Variants in PDZRN3 observed in about 807,000 individuals in gnomAD.
PDZRN3 encodes E3 ubiquitin-protein ligase PDZRN3.
PDZRN3 carries 38 observed loss-of-function variants against 85.7 expected under a neutral mutation model. The ratio of observed to expected loss-of-function variants is 0.44; its 90% CI spans 0.34 to 0.58. PDZRN3 has a LOEUF of 0.58. Ranked by LOEUF, PDZRN3 falls within the 20% of genes least tolerant of loss-of-function variation. The pLI, the probability that PDZRN3 is intolerant of heterozygous loss-of-function variation, is 0.01. For missense variants in PDZRN3, 1,629 were observed against 1,506.4 expected, an observed-to-expected ratio of 1.08 and a Z score of -1.35; for synonymous variants, 759 against 638.0, an observed-to-expected ratio of 1.19 and a Z score of -2.86.
intron 3 of PDZRN3, among the ~76,000 whole-genome samples, chr3:73,498,666 C>T (rs1021422967): frequency 6.6e-6 from 1 of 151,730 alleles, no homozygotes; most frequent in African/African-American, 2.4e-5. Context: ...CTCACTGCAA[C>T]CTACGCCTCC....
chr3:73,475,232 A>T (rs1465408531), intron 3 of PDZRN3, among the ~76,000 whole-genome samples: 1 of 152,176 alleles, frequency 6.6e-6, no homozygotes, highest in Non-Finnish European at 1.5e-5. Flanking sequence ...ACCCTGCAAA[A>T]ACCCTCCACT....
intron 3 of PDZRN3, among the ~76,000 whole-genome samples, chr3:73,554,353 GACACACACACACACAC>G (rs35130068): frequency 6.8e-6 from 1 of 147,564 alleles, no homozygotes; most frequent in African/African-American, 2.5e-5. Context: ...GTTGAGAGAA[GACACACACACACACAC>G]ACACACACAC....
chr3:73,483,223 C>A (rs1483008474), intron 3 of PDZRN3, among the ~76,000 whole-genome samples: 1 of 152,194 alleles, frequency 6.6e-6, no homozygotes, highest in Non-Finnish European at 1.5e-5. Context: ...GAAGAGGCTT[C>A]ATTTTGAAGC....
intron 3 of PDZRN3, among the ~76,000 whole-genome samples, chr3:73,535,589 C>G (rs1288095549): frequency 6.6e-6 from 1 of 152,196 alleles, no homozygotes; most frequent in Admixed American, 6.5e-5. Context: ...ATCCACAGAG[C>G]TGCCTTTTTG....
At chr3:73,426,029 G>A (rs1702308275) in intron 3 of PDZRN3, among the ~76,000 whole-genome samples, 1 of 152,002 alleles carries the variant, frequency 6.6e-6, no homozygotes, top group African/African-American at 2.4e-5. Flanking sequence ...TCACATTATT[G>A]GAAATTAATC....
chr3:73,438,008 C>T (rs759757412), intron 3 of PDZRN3, among the ~76,000 whole-genome samples: 11 of 152,200 alleles, frequency 7.2e-5, no homozygotes, highest in African/African-American at 1.2e-4. Flanking sequence ...CACAAAGGCA[C>T]ACATTGTTTG....
chr3:73,618,508 A>G (rs1233512560), intron 1 of PDZRN3, among the ~76,000 whole-genome samples: 2 of 152,230 alleles, frequency 1.3e-5, no homozygotes, highest in African/African-American at 4.8e-5. Flanking sequence ...GGTCTATCTA[A>G]TGAAGAACAT....
intron 3 of PDZRN3, among the ~76,000 whole-genome samples, chr3:73,472,931 C>T (rs1467844385): frequency 6.6e-6 from 1 of 152,074 alleles, no homozygotes; most frequent in Non-Finnish European, 1.5e-5. Flanking sequence ...TCAAGATATA[C>T]CATGTTGGTC....
chr3:73,457,366 C>T (rs147650997), intron 3 of PDZRN3, among the ~76,000 whole-genome samples: 63 of 152,244 alleles, frequency 4.1e-4, no homozygotes, highest in African/African-American at 1.3e-3. Context: ...AGCCACCGTG[C>T]CCGGCCGTAC....
chr3:73,467,865 T>C (rs1000749626), intron 3 of PDZRN3, among the ~76,000 whole-genome samples: 7 of 152,224 alleles, frequency 4.6e-5, no homozygotes, highest in African/African-American at 1.7e-4. Flanking sequence ...ACAAGTACTA[T>C]ATAATTCCAC....
intron 3 of PDZRN3, among the ~76,000 whole-genome samples, chr3:73,513,193 T>C (rs1030969559): frequency 1.3e-5 from 2 of 152,120 alleles, no homozygotes; most frequent in Admixed American, 1.3e-4. Flanking sequence ...GGAAAGTGGG[T>C]CACTTCGAAG....
chr3:73,562,460 T>C (rs984522793), intron 3 of PDZRN3, among the ~76,000 whole-genome samples: 4 of 152,044 alleles, frequency 2.6e-5, no homozygotes, highest in African/African-American at 7.2e-5. Context: ...TTTAAAAGAA[T>C]AAAACAAAAA....
At chr3:73,515,173 C>CTT (rs60325744) in intron 3 of PDZRN3, among the ~76,000 whole-genome samples, 37 of 58,056 alleles carry the variant, frequency 6.4e-4, no homozygotes, top group African/African-American at 1.9e-3. Flanking sequence ...ACAATCAGCC[C>CTT]TTTTTTTTTT....
chr3:73,471,431 C>A (rs1703338405), intron 3 of PDZRN3, among the ~76,000 whole-genome samples: 1 of 152,134 alleles, frequency 6.6e-6, no homozygotes, highest in Non-Finnish European at 1.5e-5. Flanking sequence ...GTAAATGCAG[C>A]CCTAAAAAAC....
At chr3:73,420,979 C>A (rs1452831454) in intron 3 of PDZRN3, among the ~76,000 whole-genome samples, 1 of 152,196 alleles carries the variant, frequency 6.6e-6, no homozygotes, top group East Asian at 1.9e-4. Context: ...TTTACATCAC[C>A]TCTAGATTAT....
intron 1 of PDZRN3, among the ~76,000 whole-genome samples, chr3:73,620,828 G>A (rs1702847161): frequency 1.3e-5 from 2 of 152,202 alleles, no homozygotes; most frequent in East Asian, 3.9e-4. Context: ...CGCCTGCCTC[G>A]GCCTCCCAAA....
intron 3 of PDZRN3, among the ~76,000 whole-genome samples, chr3:73,534,959 G>C (rs1704742420): frequency 6.6e-6 from 1 of 151,936 alleles, no homozygotes; most frequent in Admixed American, 6.6e-5. Flanking sequence ...CCTCTCTGTG[G>C]GGAGATGATA....
At chr3:73,547,680 C>T (rs983027387) in intron 3 of PDZRN3, among the ~76,000 whole-genome samples, 1 of 152,182 alleles carries the variant, frequency 6.6e-6, no homozygotes, top group Non-Finnish European at 1.5e-5. Flanking sequence ...CTCACTGTCA[C>T]GTGGGGTGTA....
chr3:73,581,115 C>T (rs1702196024), intron 3 of PDZRN3, among the ~76,000 whole-genome samples: 1 of 152,176 alleles, frequency 6.6e-6, no homozygotes, highest in Non-Finnish European at 1.5e-5. Context: ...GAAGAACAGA[C>T]CTATGCAAAA....
Sources: allele counts gnomAD v4.1 joint callset (sites outside exome capture counted in the v4.1 genomes callset), GRCh38; gene constraint gnomAD v4.1.1; transcripts MANE v1.5; gene names NCBI Gene and HGNC (gene_info 2026-07-23, HGNC 2026-07-21).